Variants in XIRP2 observed in about 807,000 individuals in gnomAD.
XIRP2 encodes the protein xin actin-binding repeat-containing protein 2.
XIRP2 carries 236 observed loss-of-function variants against 277.0 expected under a neutral mutation model. That is an observed-to-expected ratio of 0.85 (90% CI 0.77 to 0.95). The LOEUF is 0.95. Among genes scored for constraint, XIRP2 ranks in the 40% least tolerant of loss-of-function variants. The pLI is 0.00. For missense variants in XIRP2, 4,640 were observed against 4,157.5 expected (o/e 1.12, Z -3.19); for synonymous variants, 1,490 against 1,416.5 (o/e 1.05, Z -1.17).
intron 2 of XIRP2, among the ~76,000 whole-genome samples, chr2:166,905,595 T>A (rs1025599265): frequency 1.4e-4 from 21 of 151,996 alleles, no homozygotes; most frequent in African/African-American, 4.8e-4. Context: ...GTTTTAAATA[T>A]CCTAAGGTTC....
chr2:167,066,096 G>A (rs1031559685), intron 2 of XIRP2, among the ~76,000 whole-genome samples: 24 of 151,646 alleles, frequency 1.6e-4, no homozygotes, highest in African/African-American at 5.8e-4. Flanking sequence ...CTCTTAACAT[G>A]GGATTTACCC....
rs556685417 is a variant in XIRP2, at chr2:167,017,072, C to T, written c.408+113182C>T. ...GCACTCTCACAGCTGCCATAGTTCA[C>T]GCCTTACACTGCACAGGTCTCCTTC... is the stretch of plus-strand genomic sequence containing the variant. On this transcript the variant is annotated intron_variant, in intron 2 of 10. Coordinates refer to ENST00000409195, the MANE Select transcript of XIRP2 (RefSeq NM_152381.6). 7.2e-5 allele frequency among the ~76,000 whole-genome samples: 11 copies of T among 151,972 alleles called. No individual in the cohort carries two copies. In the East Asian group the frequency reaches 1.6e-3, roughly 22 times the overall value.
At chr2:167,134,306 C>T (rs1045432695) in intron 2 of XIRP2, among the ~76,000 whole-genome samples, 6 of 150,350 alleles carry the variant, frequency 4.0e-5, no homozygotes, top group Admixed American at 2.7e-4. Context: ...TATATATTTA[C>T]GTGTGTGTAT....
At chr2:167,223,210 C>CA (rs1257313599) in intron 5 of XIRP2, among the ~76,000 whole-genome samples, 2 of 151,064 alleles carry the variant, frequency 1.3e-5, no homozygotes, top group East Asian at 3.9e-4. Context: ...CCTCAAGTTG[C>CA]TTTTTTTTTC....
intron 2 of XIRP2, among the ~76,000 whole-genome samples, chr2:167,057,327 T>C (rs1689062692): frequency 6.9e-6 from 1 of 145,194 alleles, no homozygotes. Context: ...GATTGGCATT[T>C]TTCATGGGAG....
At chr2:167,152,741 A>G (rs978472976) in intron 3 of XIRP2, among the ~76,000 whole-genome samples, 3 of 152,108 alleles carry the variant, frequency 2.0e-5, no homozygotes, top group African/African-American at 7.2e-5. Context: ...GTGAGCAGTC[A>G]TTATAATAAG....
At chr2:167,212,217 AG>A (rs1260613164) in intron 4 of XIRP2, among the ~76,000 whole-genome samples, 1 of 152,230 alleles carries the variant, frequency 6.6e-6, no homozygotes, top group Non-Finnish European at 1.5e-5. Context: ...GTGGCACTAT[AG>A]TACCTCCTGC....
rs1159797630 is a variant in XIRP2 at position 167,205,813 on chromosome 2, G to A, written c.563-4922G>A. Among the ~76,000 whole-genome samples, 6 of 151,950 alleles carry A rather than the reference G, an allele frequency of 3.9e-5. No individual in the cohort carries two copies. The South Asian group carries it at 6.2e-4, about 16-fold the overall frequency. On this transcript the variant is annotated intron_variant, in intron 3 of 10. Transcript: ENST00000409195. ...AAGTTTGACCTCTGATTATTTCTAT[G>A]ACTAATACTTTTAGTTATAAATAAA...
chr2:167,011,482 T>C (rs1687678041), intron 2 of XIRP2, among the ~76,000 whole-genome samples: 4 of 151,856 alleles, frequency 2.6e-5, no homozygotes, highest in African/African-American at 7.3e-5. Flanking sequence ...GCCAGTATTT[T>C]ATTGAGGATT....
intron 2 of XIRP2, among the ~76,000 whole-genome samples, chr2:167,120,662 G>T (rs573337761): frequency 2.6e-5 from 4 of 152,232 alleles, no homozygotes; most frequent in African/African-American, 9.6e-5. Flanking sequence ...AGAAGGCTCT[G>T]TCTTATATAA....
intron 5 of XIRP2, among the ~76,000 whole-genome samples, chr2:167,225,995 T>C (rs530732784): frequency 1.3e-5 from 2 of 152,272 alleles, no homozygotes; most frequent in African/African-American, 4.8e-5. Flanking sequence ...GTAATATTCA[T>C]ACAGCCAGAT....
At chr2:167,099,366 C>G (rs113801210) in intron 2 of XIRP2, among the ~76,000 whole-genome samples, 4,756 of 152,204 alleles carry the variant, frequency 0.031, 87 homozygotes, top group East Asian at 0.049. Context: ...CCACCAAGCT[C>G]GAGCATCCCA....
intron 2 of XIRP2, among the ~76,000 whole-genome samples, chr2:167,037,018 T>C (rs1688525894): frequency 6.6e-6 from 1 of 152,100 alleles, no homozygotes; most frequent in African/African-American, 2.4e-5. Flanking sequence ...GTAAGTCCAG[T>C]TAAACCTCTT....
chr2:166,893,658 T>C (rs1684166529), intron 1 of XIRP2, among the ~76,000 whole-genome samples: 1 of 152,162 alleles, frequency 6.6e-6, no homozygotes, highest in Non-Finnish European at 1.5e-5. Context: ...TATTCTTCTA[T>C]TAAATTATTA....
chr2:167,040,984 C>CA (rs1227007921), intron 2 of XIRP2, among the ~76,000 whole-genome samples: 1 of 152,196 alleles, frequency 6.6e-6, no homozygotes, highest in Non-Finnish European at 1.5e-5. Flanking sequence ...GCCGCCCTGA[C>CA]AAAGTGCATT....
intron 2 of XIRP2, among the ~76,000 whole-genome samples, chr2:167,005,741 A>G (rs1687486414): frequency 6.6e-6 from 1 of 151,724 alleles, no homozygotes; most frequent in Non-Finnish European, 1.5e-5. Context: ...GAACATCTGG[A>G]AAGTACTGGC....
At chr2:166,980,032 A>G (rs1253528785) in intron 2 of XIRP2, among the ~76,000 whole-genome samples, 1 of 152,134 alleles carries the variant, frequency 6.6e-6, no homozygotes, top group Non-Finnish European at 1.5e-5. Flanking sequence ...TTTTAAATAC[A>G]TATAATATTG....
intron 2 of XIRP2, among the ~76,000 whole-genome samples, chr2:167,001,425 G>T (rs1325459174): frequency 6.6e-6 from 1 of 152,042 alleles, no homozygotes; most frequent in Non-Finnish European, 1.5e-5. Context: ...CACCTCAAAT[G>T]ATATCTATAA....
intron 3 of XIRP2, among the ~76,000 whole-genome samples, chr2:167,139,025 C>G (rs1691636583): frequency 6.6e-6 from 1 of 151,862 alleles, no homozygotes; most frequent in Admixed American, 6.6e-5. Context: ...CGAGATGGCG[C>G]CACTGCACTC....
Sources: allele counts gnomAD v4.1 joint callset (sites outside exome capture counted in the v4.1 genomes callset), GRCh38; gene constraint gnomAD v4.1.1; transcripts MANE v1.5; gene names NCBI Gene and HGNC (gene_info 2026-07-23, HGNC 2026-07-21).